The following DIXDC1 variants were observed in gnomAD, a reference collection of about 807,000 sequenced individuals.
The protein encoded by DIXDC1 is DIX domain containing 1.
A neutral mutation model predicts 103.1 loss-of-function variants in DIXDC1; 64 were observed. That is an observed-to-expected ratio of 0.62 (90% CI 0.51 to 0.76). The LOEUF (loss-of-function observed/expected upper bound fraction) is 0.76, where lower values mean the gene tolerates loss of function less well. DIXDC1 is among the 30% of genes least tolerant of loss of function. The pLI is 0.00. For missense variants in DIXDC1, 759 were observed against 834.2 expected, an observed-to-expected ratio of 0.91 and a Z score of 1.11; for synonymous variants, 266 against 298.5, an observed-to-expected ratio of 0.89 and a Z score of 1.12.
chr11:111,994,068 A>G (rs1363251435), intron 14 of DIXDC1, among the ~76,000 whole-genome samples: 1 of 152,244 alleles, frequency 6.6e-6, no homozygotes, highest in Non-Finnish European at 1.5e-5. Flanking sequence ...TGTTGGAGCC[A>G]CTTGGCATAG....
At chr11:111,943,506 T>G (rs1158444862) in intron 1 of DIXDC1, among the ~76,000 whole-genome samples, 4 of 145,698 alleles carry the variant, frequency 2.7e-5, no homozygotes, top group Non-Finnish European at 4.5e-5. Context: ...TTTTTTTTTT[T>G]TTTTGTTTTT....
intron 14 of DIXDC1, among the ~76,000 whole-genome samples, chr11:111,994,598 ATGTATGTATG>A (rs1157216839): frequency 6.8e-6 from 1 of 147,174 alleles, no homozygotes; most frequent in African/African-American, 2.6e-5. Flanking sequence ...ATGTATGTAT[ATGTATGTATG>A]TATATGTATG....
At chr11:111,979,696 C>T (rs961376070) in intron 5 of DIXDC1, among the ~76,000 whole-genome samples, 1 of 152,198 alleles carries the variant, frequency 6.6e-6, no homozygotes, top group African/African-American at 2.4e-5. Context: ...TACGGTGGCC[C>T]ACGCCTGTAA....
intron 17 of DIXDC1, among the ~76,000 whole-genome samples, chr11:112,014,042 C>T (rs1861511744): frequency 6.6e-6 from 1 of 152,110 alleles, no homozygotes; most frequent in Non-Finnish European, 1.5e-5. Flanking sequence ...ACTCCTCCTC[C>T]CCAAGGAGGG....
At chr11:111,996,674 A>AC (rs1555175436) in intron 17 of DIXDC1, among the ~76,000 whole-genome samples, 1 of 151,956 alleles carries the variant, frequency 6.6e-6, no homozygotes, top group Non-Finnish European at 1.5e-5. Context: ...AACATGGTGA[A>AC]CCCCATCTCT....
Position 111,937,367 on chromosome 11 carries a change from A to C in DIXDC1, c.-133A>C. ...TAGTTTGGCTCCAGTCTAGGTTTCC[A>C]GTAAGTGGCATGCGGGACTCCGGAG... On this transcript the variant is annotated 5_prime_UTR_variant, in exon 1 of 20. Transcript: ENST00000440460. 1 of 1,447,948 alleles carries C rather than the reference A, an allele frequency of 6.9e-7. No homozygotes were observed. The highest frequency in any genetic ancestry group is 9.1e-7 in the Non-Finnish European group (1 of 1,100,652). The allele number at this position is 1,447,948 out of a possible 1,614,324, so 89.7% of individuals were successfully genotyped here.
intron 5 of DIXDC1, among the ~76,000 whole-genome samples, chr11:111,979,666 A>T (rs1028179185): frequency 1.3e-5 from 2 of 152,188 alleles, no homozygotes; most frequent in Admixed American, 1.3e-4. Flanking sequence ...TAGTAGTTAT[A>T]TCAGAACTTA....
chr11:112,006,198 G>T (rs1280571971), intron 17 of DIXDC1, among the ~76,000 whole-genome samples: 1 of 152,242 alleles, frequency 6.6e-6, no homozygotes, highest in Non-Finnish European at 1.5e-5. Context: ...GCAGCAGTCA[G>T]AGATTGAACT....
At position 111,974,220 on chromosome 11, in the gene DIXDC1, C is replaced by T. The variant is rs201776848; in HGVS notation, c.514C>T (p.Arg172Ter). Residue 172 changes from arginine (R) to a stop codon, truncating the protein, a stop_gained, in exon 4 of 20, where the codon CGA becomes TGA. Transcript: ENST00000440460. LOFTEE classifies it high-confidence loss of function. ...ALADVCHDMS[R>*]SGRDVFRYRQ... ...GGCCGATGTGTGTCATGACATGTCC[C>T]GATCAGGACGGGATGTCTTTCGATA... 1.9e-5 allele frequency: 31 copies of T among 1,613,600 alleles called. No homozygotes were observed. The highest frequency in any genetic ancestry group is 2.7e-5 in the African/African-American group (2 of 74,872).
intron 17 of DIXDC1, among the ~76,000 whole-genome samples, chr11:112,006,421 G>A (rs1249457403): frequency 6.6e-6 from 1 of 152,222 alleles, no homozygotes; most frequent in Non-Finnish European, 1.5e-5. Flanking sequence ...TGACAGCTCT[G>A]AAGAGAGCAG....
At position 111,974,926 on chromosome 11, in the gene DIXDC1, C is replaced by A; in HGVS notation, c.599C>A (p.Ala200Asp). 1.2e-6 allele frequency: 2 copies of A among 1,613,614 alleles called. No homozygotes were observed. Among genetic ancestry groups the A allele is most frequent in the Non-Finnish European group, 1.7e-6 (2 of 1,179,800 alleles). The change falls in exon 5 of 20, where the codon GCC becomes GAC. Residue 200 changes from alanine to aspartate, a missense_variant. Ala to Asp is a moderately radical substitution (Grantham distance 126, BLOSUM62 -2). Around this residue, in one of 3 missense-constraint regions of DIXDC1, gnomAD observed 657 missense variants for 727.5 expected, o/e 0.90. Coordinates refer to ENST00000440460, the MANE Select transcript of DIXDC1 (RefSeq NM_001037954.4). Reference sequence around the variant, plus strand: ...GAGAATCCATACTGGAGTGTGCGGGCCCTAGTGCAGCAGTACGAAGGGCAA... The same window carrying A: ...GAGAATCCATACTGGAGTGTGCGGGACCTAGTGCAGCAGTACGAAGGGCAA... ...EIENPYWSVR[A>D]LVQQYEGQQR...
chr11:111,953,466 G>A (rs1180495458), intron 1 of DIXDC1, among the ~76,000 whole-genome samples: 4 of 152,088 alleles, frequency 2.6e-5, no homozygotes, highest in East Asian at 1.9e-4. Flanking sequence ...GTGAAACCCC[G>A]TCTCTACTAA....
Position 111,977,132 on chromosome 11 carries a change from A to T in DIXDC1, c.656+2149A>T. On this transcript the variant is annotated intron_variant, in intron 5 of 19. Transcript: ENST00000440460. This position sits in a 1 kb window ranked among gnomAD's most constrained non-coding sequence, Gnocchi z 6.1. ...CCAATCTCCTCTCCTCGCATCCCCCAACCCCTCGTCGACGTCCCCACCCCC... is the reference window on the plus strand; with the variant it reads ...CCAATCTCCTCTCCTCGCATCCCCCTACCCCTCGTCGACGTCCCCACCCCC... 1 of 366,318 alleles carries T rather than the reference A, an allele frequency of 2.7e-6. No homozygotes were observed. The highest frequency in any genetic ancestry group is 3.8e-6 in the Non-Finnish European group (1 of 264,186). The allele number at this position is 366,318 out of a possible 1,614,324, so 22.7% of individuals were successfully genotyped here.
intron 3 of DIXDC1, among the ~76,000 whole-genome samples, chr11:111,969,871 A>T (rs587688084): frequency 6.6e-6 from 1 of 152,182 alleles, no homozygotes; most frequent in Non-Finnish European, 1.5e-5. Flanking sequence ...AGCCAGAGCA[A>T]TCAGGCAAGA....
intron 17 of DIXDC1, among the ~76,000 whole-genome samples, chr11:112,012,724 T>C (rs1555177326): frequency 2.0e-5 from 3 of 152,224 alleles, no homozygotes. Context: ...CATAATACTG[T>C]AATAACTATC....
chr11:112,011,823 G>A (rs797034346), intron 17 of DIXDC1, among the ~76,000 whole-genome samples: 23 of 152,170 alleles, frequency 1.5e-4, no homozygotes, highest in African/African-American at 5.3e-4. Flanking sequence ...GACGGGGGGA[G>A]GGATAGCATT....
At chr11:111,994,566 T>C (rs1198177698) in intron 14 of DIXDC1, among the ~76,000 whole-genome samples, 3 of 150,386 alleles carry the variant, frequency 2.0e-5, no homozygotes, top group African/African-American at 7.4e-5. Flanking sequence ...TATATGTATA[T>C]GTATGTATGT....
chr11:111,972,627 C>A (rs1481367547), intron 3 of DIXDC1, among the ~76,000 whole-genome samples: 2 of 152,224 alleles, frequency 1.3e-5, no homozygotes, highest in Non-Finnish European at 2.9e-5. Flanking sequence ...CCTCTGCTGC[C>A]TCACCTTTCC....
intron 11 of DIXDC1, 103 bp from the exon 12 acceptor site, chr11:111,992,848 T>G (rs1196154856): frequency 8.6e-7 from 1 of 1,161,792 alleles, no homozygotes; most frequent in African/African-American, 1.5e-5. Context: ...CTCTCTGTGC[T>G]GCATACTGTA....
Sources: allele counts gnomAD v4.1 joint callset (sites outside exome capture counted in the v4.1 genomes callset), GRCh38; gene constraint gnomAD v4.1.1; regional missense constraint gnomAD v4.1.1; non-coding constraint Gnocchi (gnomAD v3.1); transcripts MANE v1.5; gene names NCBI Gene and HGNC (gene_info 2026-07-23, HGNC 2026-07-21).